The following PACSIN2 variants were observed in gnomAD, a reference collection of about 807,000 sequenced individuals.
PACSIN2 encodes protein kinase C and casein kinase substrate in neurons 2.
PACSIN2 carries 25 observed loss-of-function variants against 63.8 expected under a neutral mutation model. The ratio of observed to expected loss-of-function variants is 0.39; its 90% CI spans 0.29 to 0.55. PACSIN2 has a LOEUF of 0.55. PACSIN2 is among the 20% of genes least tolerant of loss of function. PACSIN2 has a pLI of 0.62. For missense variants in PACSIN2, 518 were observed against 646.9 expected (o/e 0.80, Z 2.16); for synonymous variants, 255 against 256.2 (o/e 1.00, Z 0.05).
At chr22:42,922,027 C>T (rs1260846015) in intron 1 of PACSIN2, among the ~76,000 whole-genome samples, 1 of 152,230 alleles carries the variant, frequency 6.6e-6, no homozygotes, top group African/African-American at 2.4e-5. Context: ...GTGTGAGCCA[C>T]CCAACCCTTT....
At chr22:42,981,353 G>T (rs1241749556) in intron 1 of PACSIN2, among the ~76,000 whole-genome samples, 7 of 141,294 alleles carry the variant, frequency 5.0e-5, no homozygotes, top group African/African-American at 1.1e-4. Flanking sequence ...GGAGGGAGGT[G>T]GGGGGGGTCA....
intron 7 of PACSIN2, among the ~76,000 whole-genome samples, chr22:42,881,506 G>A (rs928786516): frequency 2.0e-5 from 3 of 152,194 alleles, no homozygotes. Context: ...ATCCCTGCTG[G>A]GGCAGCTGAC....
chr22:43,001,904 A>G (rs1176444366), intron 1 of PACSIN2, among the ~76,000 whole-genome samples: 1 of 152,176 alleles, frequency 6.6e-6, no homozygotes, highest in East Asian at 1.9e-4. Context: ...TGTCCCTGCT[A>G]AGCACCTTGT....
At chr22:42,882,989 G>A (rs1301908017) in intron 6 of PACSIN2, among the ~76,000 whole-genome samples, 4 of 152,296 alleles carry the variant, frequency 2.6e-5, no homozygotes, top group South Asian at 4.1e-4. Flanking sequence ...GAGACATGCT[G>A]GAGTCCAAAC....
intron 1 of PACSIN2, among the ~76,000 whole-genome samples, chr22:42,998,485 T>C (rs377009678): frequency 4.6e-5 from 7 of 152,340 alleles, no homozygotes; most frequent in Middle Eastern, 6.8e-3. Flanking sequence ...ATAAACTTTT[T>C]CTGAACTTAA....
At chr22:42,900,353 G>A (rs1327054087) in intron 2 of PACSIN2, among the ~76,000 whole-genome samples, 2 of 152,202 alleles carry the variant, frequency 1.3e-5, no homozygotes, top group African/African-American at 2.4e-5. Context: ...CACTAGCGAC[G>A]GCGTCATAAT....
At chr22:42,977,174 A>C (rs1265219127) in intron 1 of PACSIN2, among the ~76,000 whole-genome samples, 2 of 152,188 alleles carry the variant, frequency 1.3e-5, no homozygotes, top group African/African-American at 4.8e-5. Flanking sequence ...CATTTTTACA[A>C]AGAAATAGAA....
At chr22:42,935,703 G>A (rs1303661168) in intron 1 of PACSIN2, among the ~76,000 whole-genome samples, 1 of 152,038 alleles carries the variant, frequency 6.6e-6, no homozygotes, top group Non-Finnish European at 1.5e-5. Flanking sequence ...GGCAACTTGA[G>A]AACAGGTTCA....
chr22:42,885,380 C>G (rs925867333), intron 5 of PACSIN2, among the ~76,000 whole-genome samples: 2 of 152,058 alleles, frequency 1.3e-5, no homozygotes, highest in African/African-American at 4.8e-5. Flanking sequence ...GTGTTGTCCC[C>G]CTGGGGTGGG....
At chr22:42,873,427 G>A (rs1472169638) in intron 10 of PACSIN2, among the ~76,000 whole-genome samples, 2 of 152,224 alleles carry the variant, frequency 1.3e-5, no homozygotes, top group African/African-American at 4.8e-5. Flanking sequence ...AGAGGCAGCT[G>A]ATAACCAGCC....
intron 6 of PACSIN2, among the ~76,000 whole-genome samples, chr22:42,883,874 CAT>C (rs1420170244): frequency 7.9e-5 from 12 of 152,276 alleles, no homozygotes; most frequent in South Asian, 4.1e-4. Flanking sequence ...TGTGGTGGCG[CAT>C]GCCTGTAATC....
In PACSIN2 at chr22:42,879,018, C is replaced by T. The variant is rs776257771; in HGVS notation, c.1028+30G>A. On this transcript the variant is annotated intron_variant, in intron 8 of 10. Transcript: ENST00000263246. ...CCCAGGGCCCCCACCATGGAACGGC[C>T]TCTTTTGGATGGAGGTGGCGCCCAC... 17 of 1,603,420 alleles carry T rather than the reference C, an allele frequency of 1.1e-5. No homozygotes were observed. In the South Asian group the frequency reaches 1.8e-4, roughly 17 times the overall value.
At chr22:42,908,424 G>T (rs1931232242) in intron 2 of PACSIN2, among the ~76,000 whole-genome samples, 1 of 152,210 alleles carries the variant, frequency 6.6e-6, no homozygotes, top group South Asian at 2.1e-4. Flanking sequence ...AAGCCCCAAG[G>T]CTCACAGCCC....
chr22:42,983,555 AT>A (rs1210643349), intron 1 of PACSIN2, among the ~76,000 whole-genome samples: 1 of 152,158 alleles, frequency 6.6e-6, no homozygotes, highest in African/African-American at 2.4e-5. Context: ...TGCAAAAAAA[AT>A]AACCAGCAGT....
At chr22:42,893,686 C>T in intron 2 of PACSIN2, 73 bp from the exon 3 acceptor site, 1 of 1,509,780 alleles carries the variant, frequency 6.6e-7, no homozygotes, top group Non-Finnish European at 9.1e-7. Flanking sequence ...AAATGGCCTC[C>T]ATGCCAACCA....
At chr22:42,881,436 C>T (rs913598499) in intron 7 of PACSIN2, among the ~76,000 whole-genome samples, 3 of 152,200 alleles carry the variant, frequency 2.0e-5, no homozygotes, top group Non-Finnish European at 2.9e-5. Flanking sequence ...GGGCTCTGGC[C>T]GCTGCTGAGT....
intron 10 of PACSIN2, among the ~76,000 whole-genome samples, chr22:42,875,372 ATTTG>A (rs748717044): frequency 5.4e-4 from 82 of 150,948 alleles, no homozygotes; most frequent in Non-Finnish European, 9.0e-4. Context: ...CAGGTTATTT[ATTTG>A]TTTGTTTGTT....
In PACSIN2 at chr22:42,985,793, T is replaced by C. The variant is rs1922566684; in HGVS notation, c.-78+29228A>G. Reference sequence around the variant, plus strand: ...AAATCTGATAAGTCTCCCAGACGCCTAACCCCTCCCCATGCAGGAATCACT... The same window carrying C: ...AAATCTGATAAGTCTCCCAGACGCCCAACCCCTCCCCATGCAGGAATCACT... On this transcript the variant is annotated intron_variant, in intron 1 of 10. Transcript: ENST00000263246. Among the ~76,000 whole-genome samples the C allele has an allele frequency of 2.0e-5, 3 of 152,310 alleles. No homozygotes were observed. In the South Asian group the frequency reaches 6.2e-4, roughly 32 times the overall value.
At chr22:43,012,130 C>G (rs553576900) in intron 1 of PACSIN2, among the ~76,000 whole-genome samples, 1 of 150,396 alleles carries the variant, frequency 6.6e-6, no homozygotes, top group Non-Finnish European at 1.5e-5. Flanking sequence ...GGCGACAGAG[C>G]GAGACTCTGT....
Sources: gnomAD v4.1 joint callset for allele counts (sites outside exome capture counted in the v4.1 genomes callset) on GRCh38, gnomAD v4.1.1 for gene constraint, MANE v1.5 for transcripts, NCBI Gene and HGNC (gene_info 2026-07-23, HGNC 2026-07-21) for gene names.